ZDHHC14: variants seen among roughly 807,000 people sequenced by gnomAD.
ZDHHC14 encodes palmitoyltransferase ZDHHC14.
Under a neutral mutation model 47.7 loss-of-function variants are expected in ZDHHC14, and 16 were observed. That is an observed-to-expected ratio of 0.34 (90% confidence interval 0.23 to 0.51). The LOEUF is 0.51. Among genes scored for constraint, ZDHHC14 ranks in the 20% least tolerant of loss-of-function variants. ZDHHC14 has a pLI of 0.97. For synonymous variants in ZDHHC14, 293 were observed against 278.9 expected (o/e 1.05, Z -0.50); for missense variants, 515 against 662.5 (o/e 0.78, Z 2.44).
intron 1 of ZDHHC14, among the ~76,000 whole-genome samples, chr6:157,443,731 A>C (rs139055530): frequency 0.014 from 2,165 of 152,180 alleles, 54 homozygotes; most frequent in African/African-American, 0.05. Context: ...GCTCTTATTG[A>C]TCTGATACAC....
At chr6:157,425,843 G>A (rs1778207138) in intron 1 of ZDHHC14, among the ~76,000 whole-genome samples, 1 of 152,148 alleles carries the variant, frequency 6.6e-6, no homozygotes, top group Non-Finnish European at 1.5e-5. Context: ...AACGTGCTGT[G>A]CCCCTGCCAA....
intron 5 of ZDHHC14, among the ~76,000 whole-genome samples, chr6:157,644,191 T>C (rs1487907305): frequency 6.6e-6 from 1 of 152,214 alleles, no homozygotes; most frequent in Non-Finnish European, 1.5e-5. Flanking sequence ...AGCCAGTGCA[T>C]GGCCTGAATC....
Position 157,597,824 on chromosome 6 carries a change from C to G in ZDHHC14, c.565+4678C>G, listed in dbSNP as rs545884672. 1.5e-4 allele frequency among the ~76,000 whole-genome samples: 23 copies of G among 152,380 alleles called. No individual in the cohort carries two copies. The South Asian group carries it at 4.3e-3, about 29-fold the overall frequency. The stretch of plus-strand genomic sequence containing the variant: ...TCCCACATCCAGGACATGGCCTGGT[C>G]CCTTGTTTTCTGTCCTGTCATTTTT... On this transcript the variant is annotated intron_variant, in intron 3 of 8. Transcript: ENST00000359775.
chr6:157,624,949 G>T (rs1178638227), intron 3 of ZDHHC14, among the ~76,000 whole-genome samples: 1 of 152,312 alleles, frequency 6.6e-6, no homozygotes, highest in Admixed American at 6.5e-5. Flanking sequence ...TACATCTGAA[G>T]GGTCTTCTTG....
intron 1 of ZDHHC14, among the ~76,000 whole-genome samples, chr6:157,475,573 A>C (rs1779461632): frequency 6.6e-6 from 1 of 151,876 alleles, no homozygotes; most frequent in African/African-American, 2.4e-5. Flanking sequence ...CAGACCCTTC[A>C]CCTCTTTGGT....
At position 157,582,722 on chromosome 6, in the gene ZDHHC14, T is replaced by G. The variant is rs1352397874; in HGVS notation, c.407-10266T>G. ...TTATGTGTCTTGGGGATATTCTTCT[T>G]GTGTATTATTTTGCAGGAGTTCTCT... is the stretch of plus-strand genomic sequence containing the variant. On this transcript the variant is annotated intron_variant, in intron 2 of 8. Coordinates refer to ENST00000359775, the MANE Select transcript of ZDHHC14 (RefSeq NM_024630.3). The surrounding 1 kb of genome is among the most constrained non-coding windows in gnomAD (Gnocchi z 4.3). Among the ~76,000 whole-genome samples, 4 of 152,180 alleles carry G rather than the reference T, an allele frequency of 2.6e-5. No individual in the cohort carries two copies. Among genetic ancestry groups the G allele is most frequent in the Non-Finnish European group, 5.9e-5 (4 of 68,036 alleles).
intron 2 of ZDHHC14, among the ~76,000 whole-genome samples, chr6:157,547,011 T>G (rs556376699): frequency 6.6e-6 from 1 of 152,322 alleles, no homozygotes; most frequent in African/African-American, 2.4e-5. Flanking sequence ...ATATACATGA[T>G]GGACTTTGCT....
chr6:157,423,025 G>C (rs1778141808), intron 1 of ZDHHC14, among the ~76,000 whole-genome samples: 1 of 152,208 alleles, frequency 6.6e-6, no homozygotes, highest in Non-Finnish European at 1.5e-5. Context: ...TAAGGAAAAT[G>C]TTTTCCAGGC....
At chr6:157,435,096 C>T (rs1778412757) in intron 1 of ZDHHC14, among the ~76,000 whole-genome samples, 1 of 152,232 alleles carries the variant, frequency 6.6e-6, no homozygotes, top group Non-Finnish European at 1.5e-5. Context: ...CGGAAGGAAT[C>T]GCCATAGCAG....
intron 3 of ZDHHC14, among the ~76,000 whole-genome samples, chr6:157,603,987 C>A (rs746437695): frequency 3.3e-5 from 5 of 152,174 alleles, no homozygotes; most frequent in Admixed American, 1.3e-4. Flanking sequence ...ATGGATTCAA[C>A]CAACCTCGAA....
At chr6:157,596,614 A>T (rs1319362551) in intron 3 of ZDHHC14, among the ~76,000 whole-genome samples, 1 of 152,196 alleles carries the variant, frequency 6.6e-6, no homozygotes, top group Non-Finnish European at 1.5e-5. Flanking sequence ...GAGAACACAC[A>T]GGCCAGGGCT....
chr6:157,489,496 A>G (rs1779862196), intron 1 of ZDHHC14, among the ~76,000 whole-genome samples: 1 of 151,102 alleles, frequency 6.6e-6, no homozygotes, highest in Non-Finnish European at 1.5e-5. Flanking sequence ...CGTTGTTCTC[A>G]TTTCTTAGAA....
intron 1 of ZDHHC14, among the ~76,000 whole-genome samples, chr6:157,512,343 G>A (rs190808079): frequency 9.5e-4 from 145 of 152,260 alleles, no homozygotes; most frequent in Admixed American, 2.2e-3. Context: ...CTTAGCTTAC[G>A]GCCACATAGC....
intron 3 of ZDHHC14, among the ~76,000 whole-genome samples, chr6:157,623,539 CTTTTTTT>C (rs1194920593): frequency 7.9e-6 from 1 of 126,214 alleles, no homozygotes; most frequent in Non-Finnish European, 1.6e-5. Flanking sequence ...ACTCATACAT[CTTTTTTT>C]TTTTTTTTTT....
Position 157,446,243 on chromosome 6 carries a change from C to T in ZDHHC14, c.245+63977C>T, listed in dbSNP as rs552010930. On this transcript the variant is annotated intron_variant, in intron 1 of 8. Coordinates refer to ENST00000359775, the MANE Select transcript of ZDHHC14 (RefSeq NM_024630.3). The stretch of plus-strand genomic sequence containing the variant: ...ACAAATCCATCGCCCATTGCTCCAT[C>T]GAGGCACACTCAGCTCTTTGTAGTT... Among the ~76,000 whole-genome samples the T allele has an allele frequency of 4.6e-5, 7 of 152,136 alleles. No individual in the cohort carries two copies. The East Asian group carries it at 9.7e-4, about 21-fold the overall frequency.
chr6:157,659,062 C>A (rs983957644), intron 8 of ZDHHC14, among the ~76,000 whole-genome samples: 1 of 152,062 alleles, frequency 6.6e-6, no homozygotes, highest in Non-Finnish European at 1.5e-5. Flanking sequence ...GGAATTTATC[C>A]ATTTCATCTA....
chr6:157,484,199 G>A (rs991838937), intron 1 of ZDHHC14, among the ~76,000 whole-genome samples: 27 of 150,890 alleles, frequency 1.8e-4, no homozygotes, highest in African/African-American at 6.3e-4. Context: ...TGGGTACTAG[G>A]CGTAGTACCT....
chr6:157,648,670 G>A (rs958502220), intron 7 of ZDHHC14, among the ~76,000 whole-genome samples: 2 of 152,218 alleles, frequency 1.3e-5, no homozygotes, highest in Admixed American at 1.3e-4. Flanking sequence ...GGTTAGAGGA[G>A]CTGCTCAGAC....
chr6:157,574,244 A>G (rs777402580), intron 2 of ZDHHC14, among the ~76,000 whole-genome samples: 81 of 152,000 alleles, frequency 5.3e-4, no homozygotes, highest in Admixed American at 7.9e-4. Context: ...CCAAGATGGC[A>G]AAATCCTATC....
Sources: gnomAD v4.1 joint callset for allele counts (sites outside exome capture counted in the v4.1 genomes callset) on GRCh38, gnomAD v4.1.1 for gene constraint, Gnocchi (gnomAD v3.1) non-coding constraint, MANE v1.5 for transcripts, NCBI Gene and HGNC (gene_info 2026-07-23, HGNC 2026-07-21) for gene names.